Variants in CHLSN observed in about 807,000 individuals in gnomAD.
The protein encoded by CHLSN is cholesin.
the CHLSN span, among the ~76,000 whole-genome samples, chr7:1,030,695 C>CCCAG: frequency 6.6e-6 from 1 of 151,800 alleles, no homozygotes; most frequent in African/African-American, 2.4e-5. Context: ...GGACTCTCTC[C>CCCAG]CCAGGCAGGC....
the CHLSN span, chr7:1,056,973 T>C: frequency 6.2e-6 from 1 of 161,044 alleles, no homozygotes; most frequent in African/African-American, 2.4e-5. Flanking sequence ...GAGCCTCCTG[T>C]GGGCTGCGAC....
At chr7:1,081,335 C>T in the CHLSN span, among the ~76,000 whole-genome samples, 1 of 152,240 alleles carries the variant, frequency 6.6e-6, no homozygotes, top group Non-Finnish European at 1.5e-5. Context: ...TCCTAAGACC[C>T]CCAAGTCAGG....
At chr7:1,062,711 C>T in the CHLSN span, among the ~76,000 whole-genome samples, 11 of 152,210 alleles carry the variant, frequency 7.2e-5, no homozygotes, top group Non-Finnish European at 1.6e-4. Flanking sequence ...AGGATTCCGG[C>T]AGAAGTGAGA....
At chr7:1,082,717 A>G in the CHLSN span, among the ~76,000 whole-genome samples, 5 of 152,332 alleles carry the variant, frequency 3.3e-5, no homozygotes, top group Admixed American at 3.3e-4. Flanking sequence ...TCCTGTGTCC[A>G]GCTCCTGCCA....
chr7:1,019,212 C>CGG, the CHLSN span, among the ~76,000 whole-genome samples: 11 of 18,778 alleles, frequency 5.9e-4, no homozygotes, highest in East Asian at 1.9e-3. Flanking sequence ...AAAAAAAAAA[C>CGG]GGGGGGGGGG....
chr7:1,065,309 CCAGA>C, the CHLSN span, among the ~76,000 whole-genome samples: 1 of 152,366 alleles, frequency 6.6e-6, no homozygotes, highest in Middle Eastern at 3.4e-3. Context: ...TGTCCCAATT[CCAGA>C]CATTTACCCA....
At chr7:1,106,732 T>A in the CHLSN span, among the ~76,000 whole-genome samples, 1 of 152,190 alleles carries the variant, frequency 6.6e-6, no homozygotes, top group East Asian at 1.9e-4. Context: ...CCAGAGAAGA[T>A]GCCGGTGCTG....
the CHLSN span, among the ~76,000 whole-genome samples, chr7:1,128,777 G>C: frequency 1.3e-3 from 14 of 11,146 alleles, no homozygotes; most frequent in African/African-American, 2.9e-3. Flanking sequence ...TCGGCTCATC[G>C]CACCCTGTCA....
chr7:1,035,249 G>A, the CHLSN span, among the ~76,000 whole-genome samples: 1 of 152,174 alleles, frequency 6.6e-6, no homozygotes, highest in South Asian at 2.1e-4. Context: ...CTGGGCTGGT[G>A]TCATGTCTTT....
chr7:1,019,802 G>A, the CHLSN span, among the ~76,000 whole-genome samples: 2 of 152,232 alleles, frequency 1.3e-5, no homozygotes, highest in Non-Finnish European at 2.9e-5. Context: ...TGGAGTGTGG[G>A]GGGCTGGGGC....
At chr7:1,004,984 C>A in the CHLSN span, among the ~76,000 whole-genome samples, 2 of 152,094 alleles carry the variant, frequency 1.3e-5, no homozygotes, top group Non-Finnish European at 2.9e-5. Flanking sequence ...TCCCTGCTAG[C>A]CTACTGGGCT....
At chr7:1,035,644 C>T in the CHLSN span, among the ~76,000 whole-genome samples, 32 of 152,264 alleles carry the variant, frequency 2.1e-4, no homozygotes, top group Admixed American at 4.6e-4. Context: ...TCACCAAATG[C>T]GGGTGAGGAT....
chr7:1,133,805 G>A, the CHLSN span, among the ~76,000 whole-genome samples: 5 of 150,362 alleles, frequency 3.3e-5, no homozygotes, highest in Non-Finnish European at 5.9e-5. Context: ...ATAAATAAAT[G>A]GGAGAAAGAT....
At chr7:983,408 C>A in the CHLSN span, 1 of 1,468,542 alleles carries the variant, frequency 6.8e-7, no homozygotes. Flanking sequence ...GCCCGGGCAG[C>A]TCTTGCCGCT....
At chr7:1,029,797 G>A in the CHLSN span, among the ~76,000 whole-genome samples, 1 of 152,258 alleles carries the variant, frequency 6.6e-6, no homozygotes, top group Non-Finnish European at 1.5e-5. Context: ...CAAGGCCGGA[G>A]TCAGGCCTGG....
chr7:1,008,790 G>A, the CHLSN span, among the ~76,000 whole-genome samples: 1 of 150,842 alleles, frequency 6.6e-6, no homozygotes, highest in Non-Finnish European at 1.5e-5. Flanking sequence ...ACACGCACAT[G>A]TACACACGTG....
the CHLSN span, chr7:1,092,219 G>C: frequency 6.2e-7 from 1 of 1,612,820 alleles, no homozygotes. Context: ...AGGGCCATGC[G>C]CTGCAGCCTG....
the CHLSN span, chr7:1,091,829 C>T: frequency 6.2e-7 from 1 of 1,606,176 alleles, no homozygotes; most frequent in Non-Finnish European, 8.5e-7. Context: ...CTCAACCTGT[C>T]CCACCCGCTC....
the CHLSN span, among the ~76,000 whole-genome samples, chr7:992,457 C>T: frequency 5.6e-4 from 85 of 152,220 alleles, no homozygotes; most frequent in African/African-American, 1.9e-3. Context: ...AGGAGGAGAC[C>T]AAGCTTTACC....
Sources: gnomAD v4.1 joint callset for allele counts (sites outside exome capture counted in the v4.1 genomes callset) on GRCh38, gnomAD v4.1.1 for gene constraint, MANE v1.5 for transcripts, NCBI Gene and HGNC (gene_info 2026-07-23, HGNC 2026-07-21) for gene names.